Variants in WASF3 observed in about 807,000 individuals in gnomAD.
WASF3 encodes actin-binding protein WASF3.
Under a neutral mutation model 46.6 loss-of-function variants are expected in WASF3, and 11 were observed. That is an observed-to-expected ratio of 0.24 (90% CI 0.15 to 0.39). WASF3 has a LOEUF of 0.39. Among genes scored for constraint, WASF3 ranks in the 10% least tolerant of loss-of-function variants. The pLI is 1.00. For missense variants in WASF3, 576 were observed against 669.8 expected (o/e 0.86, Z 1.55); for synonymous variants, 242 against 259.7 (o/e 0.93, Z 0.65).
chr13:26,628,715 G>T (rs1189331145), intron 2 of WASF3, among the ~76,000 whole-genome samples: 1 of 152,194 alleles, frequency 6.6e-6, no homozygotes, highest in African/African-American at 2.4e-5. Flanking sequence ...AGTTCAGTGG[G>T]ATCTTTGCCT....
chr13:26,547,198 T>C, the WASF3 span, among the ~76,000 whole-genome samples: 1 of 152,180 alleles, frequency 6.6e-6, no homozygotes. Context: ...TTCACAAATA[T>C]CCAACCCACA....
intron 1 of WASF3, among the ~76,000 whole-genome samples, chr13:26,584,761 G>A (rs758033944): frequency 3.9e-5 from 6 of 152,186 alleles, no homozygotes; most frequent in Non-Finnish European, 1.5e-5. Context: ...TTAGTTGCTC[G>A]TGGTTGTGTG....
rs185363089 is a variant in WASF3, at chr13:26,670,337, G to A, written c.423-1535G>A. On this transcript the variant is annotated intron_variant, in intron 5 of 9. Coordinates refer to ENST00000335327, the MANE Select transcript of WASF3 (RefSeq NM_006646.6). The stretch of plus-strand genomic sequence containing the variant: ...ACAGGGAGGGGAACATCACATACCG[G>A]GCCTGTTGGGGGGTGAGGGACAAGG... 1.2e-4 allele frequency among the ~76,000 whole-genome samples: 18 copies of A among 152,022 alleles called. No individual in the cohort carries two copies. In the East Asian group the frequency reaches 3.3e-3, roughly 28 times the overall value.
intron 9 of WASF3, among the ~76,000 whole-genome samples, chr13:26,684,955 G>A (rs754239593): frequency 2.2e-4 from 33 of 152,122 alleles, no homozygotes; most frequent in Non-Finnish European, 4.4e-4. Flanking sequence ...GTGCATGGTG[G>A]CGTGCGCCGG....
At chr13:26,637,363 G>A (rs763362766) in intron 2 of WASF3, among the ~76,000 whole-genome samples, 9 of 152,114 alleles carry the variant, frequency 5.9e-5, no homozygotes, top group Non-Finnish European at 1.2e-4. Context: ...TTTTCAGAAT[G>A]CTGGGTTTTC....
intron 3 of WASF3, among the ~76,000 whole-genome samples, chr13:26,645,782 A>G (rs1566061586): frequency 2.6e-5 from 4 of 152,320 alleles, no homozygotes; most frequent in South Asian, 4.1e-4. Flanking sequence ...GATGACCCCA[A>G]TTTTGGAAAT....
At chr13:26,570,026 CTT>C (rs1308281749) in intron 1 of WASF3, among the ~76,000 whole-genome samples, 1 of 152,148 alleles carries the variant, frequency 6.6e-6, no homozygotes, top group African/African-American at 2.4e-5. Context: ...TGGCTCATGC[CTT>C]TAATCCCAGC....
chr13:26,681,096 T>C lies in WASF3; in HGVS notation c.759T>C (p.Thr253=), dbSNP rs1169484078. The C allele has an allele frequency of 1.2e-6, 2 of 1,614,180 alleles. No homozygotes were observed. Among genetic ancestry groups the C allele is most frequent in the South Asian group, 1.1e-5 (1 of 91,080 alleles). The change falls in exon 8 of 10, where the codon ACT becomes ACC. Residue 253 remains threonine, a synonymous_variant. Coordinates refer to ENST00000335327, the MANE Select transcript of WASF3 (RefSeq NM_006646.6). Reference sequence around the variant, plus strand: ...TTACGGATTACTCTTACCCGGCTACTCCCAACCATTCTCTGCACCCCCAGC... The same window carrying C: ...TTACGGATTACTCTTACCCGGCTACCCCCAACCATTCTCTGCACCCCCAGC... The part of the protein sequence containing the change: ...SDVTDYSYPA[T]PNHSLHPQPV...
At chr13:26,564,774 C>G (rs1374335668) in intron 1 of WASF3, among the ~76,000 whole-genome samples, 1 of 152,014 alleles carries the variant, frequency 6.6e-6, no homozygotes, top group Non-Finnish European at 1.5e-5. Flanking sequence ...TGTTTTGATT[C>G]ATGGTTATAT....
rs1453595214 is a variant in WASF3, at chr13:26,679,524, T to C, written c.717-1530T>C. ...GATCGCCCTCCTAGTTATGCCACAG[T>C]ATTTATAGTTTCCTACCCTCATCTC... On this transcript the variant is annotated intron_variant, in intron 7 of 9. Transcript: ENST00000335327. This position sits in a 1 kb window ranked among gnomAD's most constrained non-coding sequence, Gnocchi z 4.8. Among the ~76,000 whole-genome samples, 1 of 152,186 alleles carries C rather than the reference T, an allele frequency of 6.6e-6. No homozygotes were observed. Among genetic ancestry groups the C allele is most frequent in the Non-Finnish European group, 1.5e-5 (1 of 68,038 alleles).
In WASF3 at chr13:26,560,640, G is replaced by A. The variant is rs143329612; in HGVS notation, c.-109+2821G>A. 9.3e-3 allele frequency among the ~76,000 whole-genome samples: 1,413 copies of A among 152,272 alleles called. 7 individuals carry two copies. The highest frequency in any genetic ancestry group is 0.017 in the African/African-American group (725 of 41,556). The stretch of plus-strand genomic sequence containing the variant: ...AAGCAATTACAGTGCAGTGTGATAA[G>A]TACCATGATAGAGTCAGTAATCAGT... On this transcript the variant is annotated intron_variant, in intron 1 of 9. Transcript: ENST00000335327.
chr13:26,671,848 GA>G, intron 5 of WASF3, 23 bp from the exon 6 acceptor site: 2 of 1,488,938 alleles, frequency 1.3e-6, no homozygotes, highest in Non-Finnish European at 1.8e-6. Flanking sequence ...TTTCTTCCCT[GA>G]CTTACAATAC....
intron 3 of WASF3, among the ~76,000 whole-genome samples, chr13:26,646,431 T>A (rs1882152674): frequency 6.6e-6 from 1 of 152,188 alleles, no homozygotes; most frequent in Non-Finnish European, 1.5e-5. Flanking sequence ...AATCTGTTTT[T>A]AAATTCCTTT....
chr13:26,616,281 G>A (rs1305016904), intron 2 of WASF3, among the ~76,000 whole-genome samples: 2 of 152,196 alleles, frequency 1.3e-5, no homozygotes, highest in East Asian at 3.9e-4. Context: ...TGTATGAACA[G>A]TCTTTTTAAG....
chr13:26,672,848 A>T (rs1882961176), intron 6 of WASF3, among the ~76,000 whole-genome samples: 2 of 152,142 alleles, frequency 1.3e-5, no homozygotes, highest in South Asian at 4.1e-4. Context: ...TGAAAATCGA[A>T]AACAGCATTA....
chr13:26,578,211 C>G (rs1023896405), intron 1 of WASF3, among the ~76,000 whole-genome samples: 1 of 152,038 alleles, frequency 6.6e-6, no homozygotes. Context: ...TCCCTTGTTC[C>G]TGATTTCAGG....
At chr13:26,622,734 C>T (rs1400243701) in intron 2 of WASF3, 2 of 151,730 alleles carry the variant, frequency 1.3e-5, no homozygotes, top group Non-Finnish European at 2.9e-5. Flanking sequence ...AAGATCGCAC[C>T]AGTGCACTGC....
At chr13:26,567,708 AT>A (rs201039724) in intron 1 of WASF3, among the ~76,000 whole-genome samples, 100 of 143,906 alleles carry the variant, frequency 6.9e-4, no homozygotes, top group African/African-American at 1.9e-3. Flanking sequence ...TAAAAAAAAA[AT>A]ATATATATAT....
At chr13:26,678,087 G>C (rs947660723) in intron 7 of WASF3, among the ~76,000 whole-genome samples, 1 of 151,118 alleles carries the variant, frequency 6.6e-6, no homozygotes, top group Non-Finnish European at 1.5e-5. Flanking sequence ...ACATACATCT[G>C]CGTTTCTCTT....
Sources: gnomAD v4.1 joint callset for allele counts (sites outside exome capture counted in the v4.1 genomes callset) on GRCh38, gnomAD v4.1.1 for gene constraint, Gnocchi (gnomAD v3.1) non-coding constraint, MANE v1.5 for transcripts, NCBI Gene and HGNC (gene_info 2026-07-23, HGNC 2026-07-21) for gene names.